DOCK4: variants seen among roughly 807,000 people sequenced by gnomAD.
DOCK4 encodes the protein dedicator of cytokinesis 4.
DOCK4 carries 97 observed loss-of-function variants against 268.1 expected under a neutral mutation model. The ratio of observed to expected loss-of-function variants is 0.36; its 90% CI spans 0.31 to 0.43. DOCK4 has a LOEUF of 0.43. Ranked by LOEUF, DOCK4 falls within the 20% of genes least tolerant of loss-of-function variation. DOCK4 has a pLI of 1.00. For synonymous variants in DOCK4, 954 were observed against 887.2 expected, an observed-to-expected ratio of 1.08 and a Z score of -1.34; for missense variants, 2,145 against 2,455.7, an observed-to-expected ratio of 0.87 and a Z score of 2.67.
At chr7:112,187,134 A>G (rs1819548508) in intron 1 of DOCK4, among the ~76,000 whole-genome samples, 1 of 152,238 alleles carries the variant, frequency 6.6e-6, no homozygotes, top group Non-Finnish European at 1.5e-5. Context: ...ATAAATTTTA[A>G]GTATACCAAA....
chr7:112,197,217 T>G (rs1820527223), intron 1 of DOCK4, among the ~76,000 whole-genome samples: 1 of 151,918 alleles, frequency 6.6e-6, no homozygotes, highest in African/African-American at 2.4e-5. Flanking sequence ...TTCCTTCCTT[T>G]AAGTCACTTA....
At chr7:112,096,759 G>A (rs1361235132) in intron 1 of DOCK4, among the ~76,000 whole-genome samples, 4 of 152,184 alleles carry the variant, frequency 2.6e-5, no homozygotes, top group Non-Finnish European at 5.9e-5. Context: ...AGACCAAAAT[G>A]TAGCTGGTTA....
At chr7:111,972,694 T>G (rs1797815094) in intron 8 of DOCK4, among the ~76,000 whole-genome samples, 1 of 148,278 alleles carries the variant, frequency 6.7e-6, no homozygotes, top group South Asian at 2.1e-4. Context: ...TTTTTAGCAT[T>G]TATTATGGAA....
chr7:112,184,404 G>A (rs1365449449), intron 1 of DOCK4, among the ~76,000 whole-genome samples: 2 of 152,186 alleles, frequency 1.3e-5, no homozygotes, highest in Non-Finnish European at 2.9e-5. Context: ...CTTCTTCACA[G>A]TGCAGAGCTG....
Position 111,977,142 on chromosome 7 carries a change from G to A in DOCK4, c.691C>T (p.Arg231Trp), listed in dbSNP as rs745875030. The stretch of plus-strand genomic sequence containing the variant: ...TCCACGTGCAGGTACCTGATTGGCC[G>A]GTTCTCTTTACTGTCAAAGAGTGAG... ...IFSLFDSKEN[R>W]PISERFFLRL... Residue 231 changes from arginine (R) to tryptophan (W), a missense_variant, in exon 8 of 53, where the codon CGG (arginine) becomes TGG (tryptophan). By Grantham distance (101) the Arg-to-Trp change is moderately radical (BLOSUM62 -3). Coordinates refer to ENST00000428084, the MANE Select transcript of DOCK4 (RefSeq NM_001363540.2). 2.5e-6 allele frequency: 4 copies of A among 1,612,892 alleles called. No homozygotes were observed. Among genetic ancestry groups the A allele is most frequent in the African/African-American group, 1.3e-5 (1 of 74,974 alleles).
intron 8 of DOCK4, among the ~76,000 whole-genome samples, chr7:111,960,401 T>A (rs1232241311): frequency 6.7e-6 from 1 of 149,576 alleles, no homozygotes; most frequent in Admixed American, 6.7e-5. Context: ...AATTTATAAA[T>A]AAAAATTGTA....
intron 7 of DOCK4, among the ~76,000 whole-genome samples, chr7:111,979,344 C>T (rs77534427): frequency 0.04 from 6,117 of 152,216 alleles, 398 homozygotes; most frequent in African/African-American, 0.14. Context: ...TTTTTAAAAG[C>T]AGACCTAAGC....
At chr7:111,969,211 A>T (rs984963742) in intron 8 of DOCK4, among the ~76,000 whole-genome samples, 2 of 95,160 alleles carry the variant, frequency 2.1e-5, no homozygotes, top group South Asian at 2.9e-4. Context: ...AGAGTATAAT[A>T]AAAAAAAAAA....
chr7:111,998,621 A>G, intron 3 of DOCK4, 118 bp from the exon 4 acceptor site: 1 of 582,756 alleles, frequency 1.7e-6, no homozygotes, highest in Non-Finnish European at 2.9e-6. Flanking sequence ...GGGAAAAGCA[A>G]CATCTCTACC....
At chr7:112,175,219 A>G (rs62476050) in intron 1 of DOCK4, among the ~76,000 whole-genome samples, 4,177 of 152,242 alleles carry the variant, frequency 0.027, 77 homozygotes, top group Middle Eastern at 0.088. Context: ...TCTGAAGTTT[A>G]AACAGTGAAA....
intron 1 of DOCK4, among the ~76,000 whole-genome samples, chr7:112,135,919 C>T (rs1213885064): frequency 6.6e-6 from 1 of 152,160 alleles, no homozygotes; most frequent in African/African-American, 2.4e-5. Context: ...CCACATTCTT[C>T]CTAATTCCAG....
chr7:112,183,480 C>T (rs1819231312), intron 1 of DOCK4, among the ~76,000 whole-genome samples: 1 of 152,204 alleles, frequency 6.6e-6, no homozygotes, highest in South Asian at 2.1e-4. Flanking sequence ...TAGCTGAAAA[C>T]AGTAAACACA....
rs1585861634 is a variant in DOCK4, at chr7:111,747,426, C to A, written c.4434G>T (p.Leu1478=). The change falls in exon 43 of 53, where the codon CTG becomes CTT. Residue 1478 remains leucine, a synonymous_variant. Transcript: ENST00000428084. ...TTTCTAGCACTTCAATTGCATTTTC[C>A]AGAGGACTCATTTCTACCTGAGAAG... ...EKREVVEMSP[L]ENAIEVLENK... 3 of 1,601,888 alleles carry A rather than the reference C, an allele frequency of 1.9e-6. No individual in the cohort carries two copies. The highest frequency in any genetic ancestry group is 4.5e-5 in the East Asian group (2 of 44,628).
At chr7:111,880,209 T>C (rs902990618) in intron 16 of DOCK4, among the ~76,000 whole-genome samples, 5 of 152,108 alleles carry the variant, frequency 3.3e-5, no homozygotes, top group African/African-American at 9.7e-5. Context: ...AGTAACACAA[T>C]GGAGCTCCAA....
chr7:111,746,138 T>C (rs1254010892), intron 44 of DOCK4, among the ~76,000 whole-genome samples, 196 bp downstream of exon 44: 1 of 152,190 alleles, frequency 6.6e-6, no homozygotes, highest in Non-Finnish European at 1.5e-5. Context: ...AGTCTACTCA[T>C]TGTTAAATTA....
chr7:112,075,636 A>G (rs1289603071), intron 1 of DOCK4, among the ~76,000 whole-genome samples: 2 of 152,214 alleles, frequency 1.3e-5, no homozygotes, highest in Non-Finnish European at 2.9e-5. Flanking sequence ...TCAAAAACTG[A>G]TACGACAACA....
chr7:112,202,769 A>G (rs573112226), intron 1 of DOCK4, among the ~76,000 whole-genome samples: 1 of 152,202 alleles, frequency 6.6e-6, no homozygotes, highest in African/African-American at 2.4e-5. Flanking sequence ...TAAATTAAAA[A>G]AAAAAAAATG....
At chr7:111,853,083 A>G (rs1220611375) in intron 23 of DOCK4, among the ~76,000 whole-genome samples, 2 of 152,200 alleles carry the variant, frequency 1.3e-5, no homozygotes, top group Non-Finnish European at 2.9e-5. Flanking sequence ...GTGGATATAC[A>G]GCCAGCTCCC....
chr7:112,072,202 T>C (rs1807651457), intron 1 of DOCK4, among the ~76,000 whole-genome samples: 1 of 149,026 alleles, frequency 6.7e-6, no homozygotes, highest in African/African-American at 2.5e-5. Context: ...GCTCACAGAT[T>C]TATTACCTCT....
Sources: allele counts gnomAD v4.1 joint callset (sites outside exome capture counted in the v4.1 genomes callset), GRCh38; gene constraint gnomAD v4.1.1; transcripts MANE v1.5; gene names NCBI Gene and HGNC (gene_info 2026-07-23, HGNC 2026-07-21).